BMP6: variants seen among roughly 807,000 people sequenced by gnomAD.
BMP6 encodes bone morphogenetic protein 6, also known as VG-1-R.
A neutral mutation model predicts 54.1 loss-of-function variants in BMP6; 17 were observed. The ratio of observed to expected loss-of-function variants is 0.31; its 90% CI spans 0.22 to 0.47. BMP6 has a LOEUF of 0.47. BMP6 is among the 20% of genes least tolerant of loss of function. The pLI is 1.00. For missense variants in BMP6, 720 were observed against 690.4 expected, an observed-to-expected ratio of 1.04 and a Z score of -0.48; for synonymous variants, 328 against 291.2, an observed-to-expected ratio of 1.13 and a Z score of -1.28.
At chr6:7,743,167 C>T (rs1022496991) in intron 1 of BMP6, among the ~76,000 whole-genome samples, 2 of 152,162 alleles carry the variant, frequency 1.3e-5, no homozygotes, top group Non-Finnish European at 2.9e-5. Context: ...TTTTACACTT[C>T]CAAAATATAT....
Position 7,726,669 on chromosome 6 carries a change from G to A in BMP6, c.-287G>A, listed in dbSNP as rs1380580769. ...GTGCAGCCCGGACTCAGACGCACCT[G>A]GCCTGGACCGCGCGCCTCTAGAGAC... On this transcript the variant is annotated 5_prime_UTR_variant, in exon 1 of 7. Transcript: ENST00000283147. The A allele has an allele frequency of 6.2e-6, 1 of 160,408 alleles. No homozygotes were observed. 9.9% of individuals were successfully genotyped at this position (160,408 alleles called of 1,614,324 possible).
chr6:7,772,921 A>G (rs1199708981), intron 1 of BMP6, among the ~76,000 whole-genome samples: 2 of 152,146 alleles, frequency 1.3e-5, no homozygotes, highest in Non-Finnish European at 2.9e-5. Context: ...CTGGGACCCA[A>G]TCTATCTCCT....
intron 1 of BMP6, among the ~76,000 whole-genome samples, chr6:7,811,157 T>C (rs531321955): frequency 1.3e-5 from 2 of 152,316 alleles, no homozygotes; most frequent in South Asian, 2.1e-4. Context: ...AGTGTGTAAA[T>C]TGGGGCTATT....
At chr6:7,839,781 T>C (rs1272122378) in intron 1 of BMP6, among the ~76,000 whole-genome samples, 1 of 152,246 alleles carries the variant, frequency 6.6e-6, no homozygotes. Flanking sequence ...AGTGTACAAA[T>C]ATCCGTTCAA....
At chr6:7,785,789 A>G (rs1157763448) in intron 1 of BMP6, among the ~76,000 whole-genome samples, 1 of 152,254 alleles carries the variant, frequency 6.6e-6, no homozygotes, top group Non-Finnish European at 1.5e-5. Context: ...ACTGAGATCA[A>G]GAGAACGTGA....
At chr6:7,835,849 T>C (rs1435681456) in intron 1 of BMP6, among the ~76,000 whole-genome samples, 1 of 151,820 alleles carries the variant, frequency 6.6e-6, no homozygotes, top group Non-Finnish European at 1.5e-5. Flanking sequence ...TTTTTTTTCT[T>C]TTTTTGAGAT....
intron 1 of BMP6, among the ~76,000 whole-genome samples, chr6:7,813,908 C>T (rs1432342898): frequency 2.0e-5 from 3 of 152,134 alleles, no homozygotes; most frequent in East Asian, 1.9e-4. Context: ...TTAGATGTTG[C>T]GACCACTGGT....
chr6:7,807,504 C>T (rs1446408203), intron 1 of BMP6, among the ~76,000 whole-genome samples: 1 of 152,128 alleles, frequency 6.6e-6, no homozygotes, highest in Admixed American at 6.5e-5. Context: ...TGGTCTCGAA[C>T]TCCTGACCTA....
intron 2 of BMP6, among the ~76,000 whole-genome samples, chr6:7,860,773 ACTTAG>A (rs1435498424): frequency 6.6e-6 from 1 of 152,212 alleles, no homozygotes; most frequent in Admixed American, 6.5e-5. Context: ...GTAGATGATT[ACTTAG>A]GCATGCGATG....
chr6:7,798,673 G>A (rs796587056), intron 1 of BMP6, among the ~76,000 whole-genome samples: 1 of 152,148 alleles, frequency 6.6e-6, no homozygotes, highest in South Asian at 2.1e-4. Flanking sequence ...ACTGCTGCTT[G>A]CCACACACTG....
At chr6:7,865,893 T>C (rs59094950) in intron 4 of BMP6, among the ~76,000 whole-genome samples, 1,636 of 152,302 alleles carry the variant, frequency 0.011, 27 homozygotes, top group African/African-American at 0.037. Flanking sequence ...GAAGTTAGCA[T>C]TCATTCATCA....
chr6:7,864,483 CA>C (rs1243998628), intron 4 of BMP6, among the ~76,000 whole-genome samples: 1 of 152,122 alleles, frequency 6.6e-6, no homozygotes, highest in Admixed American at 6.6e-5. Context: ...CCCTGGAAAA[CA>C]AGTAAAATAA....
In BMP6 at chr6:7,772,294, C is replaced by T. The variant is rs141285764; in HGVS notation, c.664+44675C>T. ...TTCACGGAAAAGGCATAGTCCTGTT[C>T]GTTACTTTTCTTGCTTTCTCACATA... On this transcript the variant is annotated intron_variant, in intron 1 of 6. Coordinates refer to ENST00000283147, the MANE Select transcript of BMP6 (RefSeq NM_001718.6). 1.5e-4 allele frequency among the ~76,000 whole-genome samples: 23 copies of T among 152,266 alleles called. No individual in the cohort carries two copies. The East Asian group carries it at 2.5e-3, about 17-fold the overall frequency.
At chr6:7,862,660 T>C (rs1173617207) in intron 4 of BMP6, among the ~76,000 whole-genome samples, 162 bp downstream of exon 4, 1 of 152,208 alleles carries the variant, frequency 6.6e-6, no homozygotes, top group Non-Finnish European at 1.5e-5. Flanking sequence ...GCAGAACATC[T>C]GCGTGGGTTC....
chr6:7,726,941 C>G lies in BMP6; in HGVS notation c.-15C>G. ...CGCCTCGCGGGATCCGCGGGGGCAG[C>G]CCGGCCGGGCGGGGATGCCGGGGCT... On this transcript the variant is annotated 5_prime_UTR_variant, in exon 1 of 7. Transcript: ENST00000283147. 1 of 1,132,146 alleles carries G rather than the reference C, an allele frequency of 8.8e-7. No homozygotes were observed. Among genetic ancestry groups the G allele is most frequent in the Non-Finnish European group, 1.1e-6 (1 of 923,910 alleles). 70.1% of individuals were successfully genotyped at this position (1,132,146 alleles called of 1,614,324 possible).
rs1189911290 is a variant in BMP6 at position 7,750,686 on chromosome 6, A to AC, written c.664+23068dup. Among the ~76,000 whole-genome samples, 8 of 152,250 alleles carry AC rather than the reference A, an allele frequency of 5.3e-5. No individual in the cohort carries two copies. In the East Asian group the frequency reaches 1.5e-3, roughly 29 times the overall value. On this transcript the variant is annotated intron_variant, in intron 1 of 6. Transcript: ENST00000283147. ...TTAAAAAAGTTAAAAGTCCTCTTTG[A>AC]CTTTTTATTCCCTAGTCTTAAAAAC...
chr6:7,790,874 C>T (rs1758092912), intron 1 of BMP6, among the ~76,000 whole-genome samples: 1 of 152,210 alleles, frequency 6.6e-6, no homozygotes, highest in Admixed American at 6.5e-5. Flanking sequence ...TTTCTACTCC[C>T]AGCTCTTCTA....
At chr6:7,734,941 C>T (rs1346790162) in intron 1 of BMP6, among the ~76,000 whole-genome samples, 1 of 152,224 alleles carries the variant, frequency 6.6e-6, no homozygotes, top group African/African-American at 2.4e-5. Flanking sequence ...TAGGCATACG[C>T]CCTTGATGAC....
At chr6:7,844,708 G>C (rs1488568951) in intron 1 of BMP6, among the ~76,000 whole-genome samples, 1 of 152,150 alleles carries the variant, frequency 6.6e-6, no homozygotes, top group Non-Finnish European at 1.5e-5. Flanking sequence ...GAGGAGGGAA[G>C]AGTAGCCGGG....
Sources: gnomAD v4.1 joint callset for allele counts (sites outside exome capture counted in the v4.1 genomes callset) on GRCh38, gnomAD v4.1.1 for gene constraint, MANE v1.5 for transcripts, NCBI Gene and HGNC (gene_info 2026-07-23, HGNC 2026-07-21) for gene names.